Variants in EXOSC7 observed in about 807,000 individuals in gnomAD.
The protein encoded by EXOSC7 is exosome component 7, also known as exosome complex component RRP42.
In EXOSC7, 25 loss-of-function variants were observed where a neutral mutation model predicts 34.3. The ratio of observed to expected loss-of-function variants is 0.73; its 90% CI spans 0.53 to 1.02. The LOEUF is 1.02. Ranked by LOEUF, EXOSC7 falls within the 50% of genes least tolerant of loss-of-function variation. The pLI, the probability that EXOSC7 is intolerant of heterozygous loss-of-function variation, is 0.00. For synonymous variants in EXOSC7, 130 were observed against 143.0 expected, an observed-to-expected ratio of 0.91 and a Z score of 0.65; for missense variants, 370 against 368.5, an observed-to-expected ratio of 1.00 and a Z score of -0.03.
Position 45,005,398 on chromosome 3 carries a change from T to TAA in EXOSC7, c.599_600insAA (p.Val201MetfsTer31). The TAA allele has an allele frequency of 6.2e-7, 1 of 1,614,162 alleles. No homozygotes were observed. Among genetic ancestry groups the TAA allele is most frequent in the Non-Finnish European group, 8.5e-7 (1 of 1,180,016 alleles). ...CTAAGTGTGGAGAATGTCCCCTGCA[T>TAA]TGTCACTCTGTGCAAGGTATAACTT... On this transcript the variant is annotated frameshift_variant, in exon 6 of 8. Transcript: ENST00000265564. LOFTEE classifies it high-confidence loss of function.
chr3:45,006,610 G>A (rs1177003044), intron 6 of EXOSC7, among the ~76,000 whole-genome samples: 2 of 149,700 alleles, frequency 1.3e-5, no homozygotes, highest in South Asian at 2.2e-4. Flanking sequence ...TAGAGACGGG[G>A]TTTCACCTTG....
intron 3 of EXOSC7, among the ~76,000 whole-genome samples, chr3:44,994,065 G>A (rs936982199): frequency 6.6e-6 from 1 of 152,094 alleles, no homozygotes; most frequent in Non-Finnish European, 1.5e-5. Context: ...GGCTGCCTGG[G>A]TTAGAATTTT....
chr3:44,999,495 C>T (rs1474861774), intron 4 of EXOSC7, among the ~76,000 whole-genome samples: 1 of 152,070 alleles, frequency 6.6e-6, no homozygotes, highest in Non-Finnish European at 1.5e-5. Context: ...TCGAGACCAG[C>T]CTGGAAAACA....
rs1367684050 is a variant in EXOSC7, at chr3:44,989,256, C to T, written c.159+15C>T. ...GGGTCAAGCTGGTGAGTACTGTGAC[C>T]ATGGTTCAAGCCCAGGTGGAGAAAT... is the stretch of plus-strand genomic sequence containing the variant. On this transcript the variant is annotated intron_variant, in intron 2 of 7. Transcript: ENST00000265564. The T allele has an allele frequency of 1.9e-6, 3 of 1,592,284 alleles. No individual in the cohort carries two copies. Among genetic ancestry groups the T allele is most frequent in the Non-Finnish European group, 2.6e-6 (3 of 1,160,444 alleles).
At chr3:44,981,589 T>C (rs560831523) in intron 1 of EXOSC7, among the ~76,000 whole-genome samples, 1 of 152,296 alleles carries the variant, frequency 6.6e-6, no homozygotes, top group South Asian at 2.1e-4. Flanking sequence ...AAACCTCTTT[T>C]GATTTGAAGG....
At chr3:45,011,486 T>A, downstream of EXOSC7, 1 of 573,240 alleles carries the variant, frequency 1.7e-6, no homozygotes, top group Non-Finnish European at 3.1e-6. Flanking sequence ...TTGGTATGTC[T>A]AGAGTTCTTC....
At chr3:44,991,588 A>T (rs1402348692) in intron 3 of EXOSC7, among the ~76,000 whole-genome samples, 1 of 152,190 alleles carries the variant, frequency 6.6e-6, no homozygotes, top group Non-Finnish European at 1.5e-5. Flanking sequence ...GATGCTTGGT[A>T]TAGGGGATAC....
intron 3 of EXOSC7, among the ~76,000 whole-genome samples, chr3:44,992,147 G>C (rs1706591171): frequency 1.3e-5 from 2 of 152,212 alleles, no homozygotes; most frequent in Non-Finnish European, 2.9e-5. Flanking sequence ...CCAGCAATAA[G>C]GGTGCCACAC....
At chr3:45,010,129 G>A (rs1707163569) in intron 7 of EXOSC7, among the ~76,000 whole-genome samples, 1 of 152,194 alleles carries the variant, frequency 6.6e-6, no homozygotes, top group African/African-American at 2.4e-5. Context: ...ACTGCTATGG[G>A]AATGTGAAAG....
intron 4 of EXOSC7, among the ~76,000 whole-genome samples, chr3:44,997,698 C>CT (rs1470887018): frequency 1.3e-5 from 2 of 152,226 alleles, no homozygotes; most frequent in Non-Finnish European, 2.9e-5. Context: ...AGTGAGGAAA[C>CT]TAAGACAGAC....
chr3:44,994,169 C>T (rs1425898162), intron 3 of EXOSC7, among the ~76,000 whole-genome samples: 1 of 151,620 alleles, frequency 6.6e-6, no homozygotes, highest in Non-Finnish European at 1.5e-5. Flanking sequence ...ATCCATACCT[C>T]CTAGGGTTGT....
intron 1 of EXOSC7, among the ~76,000 whole-genome samples, chr3:44,987,226 G>A (rs1410051227): frequency 1.3e-5 from 2 of 152,122 alleles, no homozygotes; most frequent in African/African-American, 2.4e-5. Flanking sequence ...AAACTGAAGA[G>A]AAACCTAGGG....
chr3:45,005,266 A>C (rs770204410), intron 5 of EXOSC7, 25 bp from the exon 6 acceptor site: 1 of 1,611,752 alleles, frequency 6.2e-7, no homozygotes, highest in Non-Finnish European at 8.5e-7. Context: ...CCAAGTGGGA[A>C]TTTTACTAGT....
In EXOSC7 at chr3:45,003,771, C is replaced by T. The variant is rs1049715123; in HGVS notation, c.492-1520C>T. Among the ~76,000 whole-genome samples, 16 of 152,216 alleles carry T rather than the reference C, an allele frequency of 1.1e-4. No homozygotes were observed. In the East Asian group the frequency reaches 2.7e-3, roughly 26 times the overall value. ...TTCTGTACCCCCATGCAATTACACT[C>T]ACTGATGATAACCAGCATCTTAAAA... On this transcript the variant is annotated intron_variant, in intron 5 of 7. Transcript: ENST00000265564.
chr3:44,987,063 T>G (rs922542351), intron 1 of EXOSC7, among the ~76,000 whole-genome samples: 2 of 145,472 alleles, frequency 1.4e-5, no homozygotes, highest in Non-Finnish European at 3.0e-5. Flanking sequence ...CAACGTGGAA[T>G]GATTTCCTGC....
chr3:45,007,417 C>T lies in EXOSC7; in HGVS notation c.616-3C>T, dbSNP rs771769123. 8.7e-6 allele frequency: 14 copies of T among 1,613,936 alleles called. No individual in the cohort carries two copies. The highest frequency in any genetic ancestry group is 7.7e-5 in the South Asian group (7 of 91,032). On this transcript the variant is annotated splice_region_variant and splice_polypyrimidine_tract_variant and intron_variant, in intron 6 of 7. Coordinates refer to ENST00000265564, the MANE Select transcript of EXOSC7 (RefSeq NM_015004.4). ...CCGTGTGCCACGCACCCTGCCTTTG[C>T]AGATTGGCTATCGGCATGTGGTGGA...
At chr3:45,006,391 T>C (rs962926718) in intron 6 of EXOSC7, among the ~76,000 whole-genome samples, 3 of 145,778 alleles carry the variant, frequency 2.1e-5, no homozygotes, top group Non-Finnish European at 4.5e-5. Context: ...TTGTTCTTTC[T>C]TGTTGTTTAT....
intron 4 of EXOSC7, among the ~76,000 whole-genome samples, chr3:45,000,200 C>G (rs943595348): frequency 1.3e-5 from 2 of 152,256 alleles, no homozygotes; most frequent in African/African-American, 4.8e-5. Context: ...ACTAACAACA[C>G]ACAGCTGACC....
chr3:45,007,186 C>T (rs1256906084), intron 6 of EXOSC7, among the ~76,000 whole-genome samples: 1 of 152,192 alleles, frequency 6.6e-6, no homozygotes, highest in East Asian at 1.9e-4. Flanking sequence ...AGTTTTAAAC[C>T]ACCTTGCCCT....
Sources: allele counts gnomAD v4.1 joint callset (sites outside exome capture counted in the v4.1 genomes callset), GRCh38; gene constraint gnomAD v4.1.1; transcripts MANE v1.5; gene names NCBI Gene and HGNC (gene_info 2026-07-23, HGNC 2026-07-21).